Variants in TRIO observed in about 807,000 individuals in gnomAD.
TRIO encodes triple functional domain protein.
In TRIO, 58 loss-of-function variants were observed where a neutral mutation model predicts 351.9. The observed-to-expected ratio is 0.16, with a 90% CI of 0.13 to 0.21. The LOEUF (loss-of-function observed/expected upper bound fraction) is 0.21, where lower values mean the gene tolerates loss of function less well. Ranked by LOEUF, TRIO falls within the 10% of genes least tolerant of loss-of-function variation. The pLI, the probability that TRIO is intolerant of heterozygous loss-of-function variation, is 1.00. For missense variants in TRIO, 3,201 were observed against 4,027.8 expected (o/e 0.79, Z 5.56); for synonymous variants, 1,758 against 1,595.7 (o/e 1.10, Z -2.42).
chr5:14,374,094 A>G (rs1395576411), intron 18 of TRIO, 135 bp from the exon 19 acceptor site: 5 of 585,130 alleles, frequency 8.5e-6, no homozygotes, highest in Middle Eastern at 2.7e-4. Context: ...ATTTTATCCT[A>G]TGCATTTTCT....
At chr5:14,309,730 T>C (rs1215692781) in intron 8 of TRIO, among the ~76,000 whole-genome samples, 2 of 152,220 alleles carry the variant, frequency 1.3e-5, no homozygotes, top group Non-Finnish European at 2.9e-5. Context: ...GAGCCCCTGC[T>C]AAGTGCTAGA....
chr5:14,199,195 C>CAAAA (rs58856067), intron 1 of TRIO, among the ~76,000 whole-genome samples: 5,064 of 70,972 alleles, frequency 0.071, 346 homozygotes, highest in East Asian at 0.14. Flanking sequence ...GAGTGGGACT[C>CAAAA]AAAAAAAAAA....
chr5:14,336,423 G>A, intron 10 of TRIO, 113 bp from the exon 11 acceptor site: 3 of 1,095,468 alleles, frequency 2.7e-6, no homozygotes, highest in Non-Finnish European at 4.0e-6. Context: ...TTTGATTCAT[G>A]TAAGTGATCA....
At chr5:14,289,240 C>T (rs1736704478) in intron 4 of TRIO, among the ~76,000 whole-genome samples, 1 of 152,078 alleles carries the variant, frequency 6.6e-6, no homozygotes, top group Non-Finnish European at 1.5e-5. Flanking sequence ...CAAAAATTAG[C>T]TGAGCGTGGT....
chr5:14,349,897 G>T (rs1170686684), intron 11 of TRIO, among the ~76,000 whole-genome samples: 1 of 152,022 alleles, frequency 6.6e-6, no homozygotes, highest in East Asian at 1.9e-4. Context: ...CTTCAAGTAG[G>T]TCCTAGTGTC....
intron 8 of TRIO, among the ~76,000 whole-genome samples, chr5:14,311,230 A>G (rs962226339): frequency 3.9e-5 from 6 of 152,196 alleles, no homozygotes; most frequent in Non-Finnish European, 2.9e-5. Context: ...ACTCACGCCA[A>G]CTGGGCTGCT....
intron 12 of TRIO, 67 bp downstream of exon 12, chr5:14,358,414 T>C (rs918741019): frequency 1.9e-6 from 3 of 1,577,630 alleles, no homozygotes; most frequent in Non-Finnish European, 2.6e-6. Flanking sequence ...CCTTCCCCTT[T>C]TACTCTTGTG....
chr5:14,309,381 G>A (rs1207439572), intron 8 of TRIO, among the ~76,000 whole-genome samples: 1 of 152,088 alleles, frequency 6.6e-6, no homozygotes, highest in Non-Finnish European at 1.5e-5. Flanking sequence ...CCCTTAACCT[G>A]GCACAGGGAC....
chr5:14,488,374 G>T (rs553067792), intron 48 of TRIO, 114 bp downstream of exon 48: 6 of 1,426,714 alleles, frequency 4.2e-6, no homozygotes, highest in South Asian at 1.4e-5. Flanking sequence ...TCCGCCGCCC[G>T]TTGCGGCCTC....
At chr5:14,386,975 C>G (rs1034965022) in intron 21 of TRIO, among the ~76,000 whole-genome samples, 1 of 152,220 alleles carries the variant, frequency 6.6e-6, no homozygotes, top group Admixed American at 6.5e-5. Context: ...GCCACACATG[C>G]TTCAGGAAAA....
At chr5:14,312,779 A>G (rs1395526268) in intron 8 of TRIO, among the ~76,000 whole-genome samples, 1 of 152,206 alleles carries the variant, frequency 6.6e-6, no homozygotes, top group East Asian at 1.9e-4. Context: ...TACATTTTAT[A>G]TGAATTTTTT....
chr5:14,360,119 G>C (rs1036928575), intron 13 of TRIO, among the ~76,000 whole-genome samples: 10 of 151,962 alleles, frequency 6.6e-5, no homozygotes, highest in African/African-American at 1.7e-4. Flanking sequence ...CTGACTTGTG[G>C]TCGTAGCATT....
At chr5:14,217,809 G>A (rs1369864205) in intron 1 of TRIO, among the ~76,000 whole-genome samples, 2 of 152,184 alleles carry the variant, frequency 1.3e-5, no homozygotes, top group African/African-American at 4.8e-5. Context: ...GGCAGTGTGT[G>A]TGGGCATTCC....
chr5:14,403,304 G>T (rs1314017223), intron 31 of TRIO, among the ~76,000 whole-genome samples: 1 of 130,518 alleles, frequency 7.7e-6, no homozygotes. Context: ...GGTGGTGAGG[G>T]TGTAGGTTGT....
intron 16 of TRIO, 95 bp downstream of exon 16, chr5:14,367,074 T>C: frequency 2.0e-6 from 3 of 1,535,136 alleles, no homozygotes; most frequent in Non-Finnish European, 2.6e-6. Context: ...GGGAACCACA[T>C]GGGGCTGGCT....
chr5:14,349,192 A>G (rs566062746), intron 11 of TRIO, among the ~76,000 whole-genome samples: 231 of 140,044 alleles, frequency 1.6e-3, no homozygotes, highest in African/African-American at 5.8e-3. Context: ...TCCTGTGTGT[A>G]TATGTGTGCA....
intron 30 of TRIO, 99 bp downstream of exon 30, chr5:14,399,169 C>A: frequency 2.6e-6 from 3 of 1,135,082 alleles, no homozygotes; most frequent in Non-Finnish European, 4.0e-6. Flanking sequence ...TTTAACCTCC[C>A]AATCTGTCCT....
In TRIO at chr5:14,157,361, T is replaced by C. The variant is rs551953680; in HGVS notation, c.157+13479T>C. Among the ~76,000 whole-genome samples, 6 of 152,232 alleles carry C rather than the reference T, an allele frequency of 3.9e-5. No homozygotes were observed. The East Asian group carries it at 1.2e-3, about 29-fold the overall frequency. On this transcript the variant is annotated intron_variant, in intron 1 of 56. Transcript: ENST00000344204. ...TCTTAGGATTTCATTTGCTGTTCTG[T>C]ATTTTTCTTTTCTCTCTCTCTTTCT... is the stretch of plus-strand genomic sequence containing the variant.
rs192267329 is a variant in TRIO at position 14,440,445 on chromosome 5, C to A, written c.5203+20424C>A. On this transcript the variant is annotated intron_variant, in intron 34 of 56. Transcript: ENST00000344204. ...CATTGTGTGGTGTGGGACAAGGGAG[C>A]GAACATATGGAAACTTTCAAAGAGA... Among the ~76,000 whole-genome samples the A allele has an allele frequency of 4.6e-5, 7 of 152,184 alleles. No homozygotes were observed. The East Asian group carries it at 1.2e-3, about 25-fold the overall frequency.
Sources: allele counts gnomAD v4.1 joint callset (sites outside exome capture counted in the v4.1 genomes callset), GRCh38; gene constraint gnomAD v4.1.1; transcripts MANE v1.5; gene names NCBI Gene and HGNC (gene_info 2026-07-23, HGNC 2026-07-21).